The following MRPL45 variants were observed in gnomAD, a reference collection of about 807,000 sequenced individuals.
MRPL45 encodes mitochondrial ribosomal protein L45.
MRPL45 carries 20 observed loss-of-function variants against 38.1 expected under a neutral mutation model. The ratio of observed to expected loss-of-function variants is 0.53; its 90% CI spans 0.37 to 0.76. The LOEUF (loss-of-function observed/expected upper bound fraction) is 0.76. MRPL45 is among the 30% of genes least tolerant of loss of function. The probability of loss-of-function intolerance (pLI) is 0.00; values close to 1 mark genes in which losing one functional copy is unlikely to be tolerated. For synonymous variants in MRPL45, 105 were observed against 128.8 expected (o/e 0.82, Z 1.25); for missense variants, 337 against 395.6 (o/e 0.85, Z 1.26).
chr17:38,313,461 A>G (rs1468660653), intron 4 of MRPL45, among the ~76,000 whole-genome samples: 3 of 143,374 alleles, frequency 2.1e-5, no homozygotes, highest in Admixed American at 7.1e-5. Flanking sequence ...GGCTTAAGCA[A>G]TCCTCTTGCC....
Position 38,322,202 on chromosome 17 carries a change from T to C in MRPL45, c.737T>C (p.Val246Ala), listed in dbSNP as rs1419786763. The change falls in exon 7 of 8, where the codon GTT becomes GCT. Residue 246 changes from valine to alanine, a missense_variant. Transcript: ENST00000613675. The stretch of plus-strand genomic sequence containing the variant: ...GTACCCAAGGATGTCCTGGAGTATG[T>C]TGTATTCGAAAAGCAGTTGACAAAC... ...EDVPKDVLEY[V>A]VFEKQLTNPY... 1 of 1,614,092 alleles carries C rather than the reference T, an allele frequency of 6.2e-7. No homozygotes were observed. The highest frequency in any genetic ancestry group is 1.1e-5 in the South Asian group (1 of 91,068).
chr17:38,297,623 C>G (rs1039703514), intron 1 of MRPL45, among the ~76,000 whole-genome samples: 2 of 152,052 alleles, frequency 1.3e-5, no homozygotes, highest in African/African-American at 4.8e-5. Flanking sequence ...TGTCACTGCC[C>G]CGTCTGAGCA....
In MRPL45 at chr17:38,306,613, C is replaced by T. The variant is rs1380172570; in HGVS notation, c.443C>T (p.Ala148Val). ...PEKAKDIFIE[A>V]HLCLNNSDHD... The stretch of plus-strand genomic sequence containing the variant: ...AAAGCTAAGGATATCTTTATTGAAG[C>T]TCACCTTTGTCTAAATAAGTAAGTG... The change falls in exon 4 of 8, where the codon GCT (alanine) becomes GTT (valine). Residue 148 changes from alanine (A) to valine (V), a missense_variant. Physicochemically the swap from Ala to Val is moderately conservative, Grantham distance 64 (BLOSUM62 0). Around this residue, in one of 3 missense-constraint regions of MRPL45, gnomAD observed 251 missense variants for 269.1 expected, o/e 0.93. Coordinates refer to ENST00000613675, the MANE Select transcript of MRPL45 (RefSeq NM_032351.6). The T allele has an allele frequency of 3.1e-6, 5 of 1,613,352 alleles. No homozygotes were observed. Among genetic ancestry groups the T allele is most frequent in the African/African-American group, 2.7e-5 (2 of 74,910 alleles).
At chr17:38,299,778 C>T (rs369887139) in intron 3 of MRPL45, among the ~76,000 whole-genome samples, 69 of 151,656 alleles carry the variant, frequency 4.5e-4, no homozygotes, top group African/African-American at 1.6e-3. Context: ...CTCTTGTTGC[C>T]CAGACTAGAA....
At chr17:38,309,360 C>CA (rs914771245) in intron 4 of MRPL45, among the ~76,000 whole-genome samples, 12 of 146,216 alleles carry the variant, frequency 8.2e-5, no homozygotes, top group Admixed American at 1.4e-4. Flanking sequence ...ACTAAAAATA[C>CA]AAAAAAAAAA....
Position 38,322,417 on chromosome 17 carries a change from CGGGT to C in MRPL45, c.835-76_835-73del. Reference sequence around the variant, plus strand: ...GATGCACCACCCAGGAAGGGAAGGCCGGGTGGGTGGGTGGGTGGGAGCAAGGGAT... The same window carrying C: ...GATGCACCACCCAGGAAGGGAAGGCCGGGTGGGTGGGTGGGAGCAAGGGAT... On this transcript the variant is annotated intron_variant, in intron 7 of 7. Coordinates refer to ENST00000613675, the MANE Select transcript of MRPL45 (RefSeq NM_032351.6). 8 of 1,105,366 alleles carry C rather than the reference CGGGT, an allele frequency of 7.2e-6. No homozygotes were observed. In the South Asian group the frequency reaches 7.3e-5, roughly 10 times the overall value. 68.5% of individuals were successfully genotyped at this position (1,105,366 alleles called of 1,614,324 possible). A position where few individuals can be genotyped will look rare whatever the true frequency, so the allele number is the denominator to read the frequency against.
intron 7 of MRPL45, 82 bp downstream of exon 7, chr17:38,322,381 C>T (rs536708471): frequency 3.1e-5 from 34 of 1,102,418 alleles, no homozygotes; most frequent in African/African-American, 1.1e-4. Context: ...CACCTAGTGG[C>T]GAGAGGGGGT....
chr17:38,319,898 C>T (rs910975399), intron 5 of MRPL45, among the ~76,000 whole-genome samples: 1 of 152,104 alleles, frequency 6.6e-6, no homozygotes, highest in Non-Finnish European at 1.5e-5. Context: ...GTCAGGAGAT[C>T]AAGACCATCC....
At chr17:38,305,029 T>A (rs1264423965) in intron 3 of MRPL45, among the ~76,000 whole-genome samples, 1 of 151,502 alleles carries the variant, frequency 6.6e-6, no homozygotes, top group Admixed American at 6.6e-5. Context: ...TGTATTTTAG[T>A]GGAGACGGGG....
chr17:38,322,708 C>T lies in MRPL45; in HGVS notation c.*113C>T. The T allele has an allele frequency of 5.0e-6, 4 of 804,936 alleles. No homozygotes were observed. The highest frequency in any genetic ancestry group is 3.5e-5 in the South Asian group (2 of 56,960). 49.9% of individuals were successfully genotyped at this position (804,936 alleles called of 1,614,324 possible). A position where few individuals can be genotyped will look rare whatever the true frequency, so the allele number is the denominator to read the frequency against. On this transcript the variant is annotated 3_prime_UTR_variant, in exon 8 of 8. Transcript: ENST00000613675. The stretch of plus-strand genomic sequence containing the variant: ...ACTACCTTTGTTCTCTCCCATCCTG[C>T]TCAGGTCTTTTCAGCAGTCTCATCA...
rs528346057 is a variant in MRPL45 at position 38,321,223 on chromosome 17, C to T, written c.660+456C>T. Among the ~76,000 whole-genome samples the T allele has an allele frequency of 7.2e-5, 11 of 152,344 alleles. No individual in the cohort carries two copies. The South Asian group carries it at 8.3e-4, about 11-fold the overall frequency. On this transcript the variant is annotated intron_variant, in intron 6 of 7. Transcript: ENST00000613675. ...CTCCTGAGCTCAAGTGATCCACCCA[C>T]CTCAGCCTCCCAAAGTGCTGGGACT...
chr17:38,303,420 C>G (rs900112184), intron 3 of MRPL45, among the ~76,000 whole-genome samples: 2 of 149,954 alleles, frequency 1.3e-5, no homozygotes, highest in African/African-American at 2.5e-5. Flanking sequence ...GTGTTAGCCT[C>G]CCCAGTAGGT....
At chr17:38,302,536 G>A (rs1230345287) in intron 3 of MRPL45, among the ~76,000 whole-genome samples, 1 of 128,782 alleles carries the variant, frequency 7.8e-6, no homozygotes, top group Non-Finnish European at 1.6e-5. Flanking sequence ...TTTAGAGTTA[G>A]CCAGGTGGAG....
intron 5 of MRPL45, among the ~76,000 whole-genome samples, chr17:38,319,081 G>T (rs1465688827): frequency 6.6e-6 from 1 of 151,180 alleles, no homozygotes; most frequent in Non-Finnish European, 1.5e-5. Context: ...TGTCGCCCAG[G>T]ATGGAGTGCA....
intron 5 of MRPL45, 50 bp from the exon 6 acceptor site, chr17:38,320,568 C>T (rs780655222): frequency 6.3e-7 from 1 of 1,597,978 alleles, no homozygotes; most frequent in Non-Finnish European, 8.5e-7. Flanking sequence ...GCACCAGCTT[C>T]CTTAAAGGGA....
In MRPL45 at chr17:38,300,292, AG is replaced by A. The variant is rs1369961912; in HGVS notation, c.362+826del. Among the ~76,000 whole-genome samples the A allele has an allele frequency of 2.0e-5, 3 of 152,232 alleles. No individual in the cohort carries two copies. In the East Asian group the frequency reaches 5.8e-4, roughly 30 times the overall value. Reference sequence around the variant, plus strand: ...CAGCCTCCTGAAGTGCTGGGATTACAGGCGTGAGCCACTGCGCCCAGCCGAC... The same window carrying A: ...CAGCCTCCTGAAGTGCTGGGATTACAGCGTGAGCCACTGCGCCCAGCCGAC... On this transcript the variant is annotated intron_variant, in intron 3 of 7. Coordinates refer to ENST00000613675, the MANE Select transcript of MRPL45 (RefSeq NM_032351.6).
intron 5 of MRPL45, among the ~76,000 whole-genome samples, chr17:38,319,177 A>G (rs539482996): frequency 2.6e-5 from 4 of 151,822 alleles, no homozygotes; most frequent in South Asian, 2.1e-4. Flanking sequence ...CTGGGACTAC[A>G]GGCACCCGCC....
chr17:38,318,976 C>T (rs1597656174), intron 5 of MRPL45, among the ~76,000 whole-genome samples: 2 of 150,618 alleles, frequency 1.3e-5, no homozygotes. Context: ...TACAGGCATG[C>T]GCCACCATGC....
intron 4 of MRPL45, among the ~76,000 whole-genome samples, chr17:38,314,332 G>A (rs936629107): frequency 1.1e-4 from 16 of 152,054 alleles, no homozygotes; most frequent in African/African-American, 2.4e-4. Context: ...TTGAATTCCC[G>A]ACCTCGGGTG....
Sources: gnomAD v4.1 joint callset for allele counts (sites outside exome capture counted in the v4.1 genomes callset) on GRCh38, gnomAD v4.1.1 for gene constraint, gnomAD v4.1.1 regional missense constraint, MANE v1.5 for transcripts, NCBI Gene and HGNC (gene_info 2026-07-23, HGNC 2026-07-21) for gene names.